Variants in POU6F2 observed in about 807,000 individuals in gnomAD.
POU6F2 encodes the protein POU class 6 homeobox 2.
POU6F2 carries 31 observed loss-of-function variants against 71.3 expected under a neutral mutation model. The ratio of observed to expected loss-of-function variants is 0.43; its 90% CI spans 0.33 to 0.59. The LOEUF (loss-of-function observed/expected upper bound fraction) is 0.59. Among genes scored for constraint, POU6F2 ranks in the 20% least tolerant of loss-of-function variants. The probability of loss-of-function intolerance (pLI) is 0.04; values close to 1 mark genes in which losing one functional copy is unlikely to be tolerated. For missense variants in POU6F2, 783 were observed against 856.8 expected (o/e 0.91, Z 1.07); for synonymous variants, 347 against 355.7 (o/e 0.98, Z 0.27).
chr7:39,268,067 G>T (rs1784281892), intron 4 of POU6F2, among the ~76,000 whole-genome samples: 1 of 152,084 alleles, frequency 6.6e-6, no homozygotes, highest in African/African-American at 2.4e-5. Flanking sequence ...TTCCAGAGAA[G>T]CATTCGCTTT....
intron 2 of POU6F2, among the ~76,000 whole-genome samples, chr7:39,103,707 T>C (rs1250570562): frequency 6.6e-6 from 1 of 152,214 alleles, no homozygotes; most frequent in Admixed American, 6.5e-5. Context: ...TTTGCTTTAG[T>C]AAGCCAGGGT....
chr7:39,361,027 G>A (rs1786378287), intron 5 of POU6F2, among the ~76,000 whole-genome samples: 1 of 152,110 alleles, frequency 6.6e-6, no homozygotes, highest in Non-Finnish European at 1.5e-5. Context: ...CAGCCCAGGA[G>A]GTCCCAACCT....
In POU6F2 at chr7:39,296,886, A is replaced by G. The variant is rs556056070; in HGVS notation, c.599-42756A>G. 5.5e-4 allele frequency among the ~76,000 whole-genome samples: 84 copies of G among 152,324 alleles called. 1 individual carries two copies. The Middle Eastern group carries it at 0.01, about 19-fold the overall frequency. ...CATGAATGAACGAATCAATGAATGA[A>G]TGAGTTTAACTGCTTCATAAAAGCT... is the stretch of plus-strand genomic sequence containing the variant. On this transcript the variant is annotated intron_variant, in intron 4 of 9. Transcript: ENST00000518318.
rs184827702 is a variant in POU6F2, at chr7:39,260,849, A to C, written c.598+53229A>C. Among the ~76,000 whole-genome samples, 1,409 of 151,902 alleles carry C rather than the reference A, an allele frequency of 9.3e-3. 22 individuals are homozygous for C. The highest frequency in any genetic ancestry group is 0.032 in the African/African-American group (1,315 of 41,396). On this transcript the variant is annotated intron_variant, in intron 4 of 9. Transcript: ENST00000518318. ...CATACCACAGACACACACAATGCAC[A>C]CATAGGTACCACACCACATACCACA...
At chr7:39,441,448 G>A (rs1788402619) in intron 7 of POU6F2, among the ~76,000 whole-genome samples, 1 of 151,666 alleles carries the variant, frequency 6.6e-6, no homozygotes, top group African/African-American at 2.4e-5. Flanking sequence ...AGGAGCAAGG[G>A]AAGAAAAAAA....
intron 6 of POU6F2, among the ~76,000 whole-genome samples, chr7:39,416,093 T>TAC (rs57579748): frequency 0.15 from 20,225 of 139,074 alleles, 1,483 homozygotes; most frequent in South Asian, 0.24. Context: ...CTCGAAGGCA[T>TAC]ACACACACAC....
chr7:39,394,931 T>C (rs1467750090), intron 5 of POU6F2, among the ~76,000 whole-genome samples: 1 of 152,152 alleles, frequency 6.6e-6, no homozygotes, highest in African/African-American at 2.4e-5. Flanking sequence ...CACACCACCA[T>C]ACCTGACACA....
intron 2 of POU6F2, among the ~76,000 whole-genome samples, chr7:39,088,619 A>G (rs1167674765): frequency 6.6e-6 from 1 of 152,190 alleles, no homozygotes; most frequent in East Asian, 1.9e-4. Flanking sequence ...TCATTCTTCT[A>G]TATATACACC....
intron 5 of POU6F2, among the ~76,000 whole-genome samples, chr7:39,354,826 C>A (rs1247574181): frequency 6.6e-6 from 1 of 152,178 alleles, no homozygotes; most frequent in Admixed American, 6.5e-5. Context: ...GAGAGTTCAG[C>A]CTTTCCTGAA....
chr7:39,054,708 G>C (rs1790471578), intron 1 of POU6F2, among the ~76,000 whole-genome samples: 2 of 151,548 alleles, frequency 1.3e-5, no homozygotes, highest in Non-Finnish European at 2.9e-5. Context: ...TGCAGCTGCA[G>C]TGGGGGTGGG....
chr7:39,266,745 T>G (rs1337730502), intron 4 of POU6F2, among the ~76,000 whole-genome samples: 1 of 118,412 alleles, frequency 8.4e-6, no homozygotes, highest in Admixed American at 9.6e-5. Flanking sequence ...CATATATTTA[T>G]GGGGTACAAT....
At chr7:39,095,704 G>A (rs776318676) in intron 2 of POU6F2, among the ~76,000 whole-genome samples, 2 of 152,120 alleles carry the variant, frequency 1.3e-5, no homozygotes, top group Non-Finnish European at 2.9e-5. Context: ...TGATTTAGCC[G>A]CTAAGAAATC....
chr7:39,035,125 G>GT lies in POU6F2; in HGVS notation c.106-50727dup, dbSNP rs895153457. 1.8e-3 allele frequency among the ~76,000 whole-genome samples: 279 copies of GT among 151,144 alleles called. 2 individuals carry two copies. The highest frequency in any genetic ancestry group is 2.1e-3 in the Non-Finnish European group (144 of 67,764). ...TTTTTAAATAATTATATTTTTTAAA[G>GT]TTTTTTTTAAAGTTTGCTCTGGTTG... is the stretch of plus-strand genomic sequence containing the variant. On this transcript the variant is annotated intron_variant, in intron 1 of 9. Transcript: ENST00000518318.
intron 2 of POU6F2, among the ~76,000 whole-genome samples, chr7:39,155,844 T>C (rs1792857690): frequency 6.6e-6 from 1 of 152,198 alleles, no homozygotes; most frequent in Non-Finnish European, 1.5e-5. Flanking sequence ...TATATTTTTA[T>C]ATAAAATGTG....
At chr7:39,117,566 G>A (rs1354188674) in intron 2 of POU6F2, among the ~76,000 whole-genome samples, 1 of 152,160 alleles carries the variant, frequency 6.6e-6, no homozygotes, top group Non-Finnish European at 1.5e-5. Context: ...GAAGGAAAAT[G>A]GATGAGTAAT....
intron 4 of POU6F2, among the ~76,000 whole-genome samples, chr7:39,258,473 T>G (rs1003475317): frequency 6.6e-6 from 1 of 152,240 alleles, no homozygotes; most frequent in African/African-American, 2.4e-5. Flanking sequence ...GTTTCACATT[T>G]AAGAATCTTA....
intron 4 of POU6F2, among the ~76,000 whole-genome samples, chr7:39,268,897 C>T (rs1239250290): frequency 1.3e-5 from 2 of 152,098 alleles, no homozygotes; most frequent in South Asian, 2.1e-4. Context: ...CAAGTGTTGC[C>T]GGGGGTATTT....
chr7:39,315,472 A>G (rs556254546), intron 4 of POU6F2, among the ~76,000 whole-genome samples: 12 of 152,158 alleles, frequency 7.9e-5, no homozygotes, highest in Non-Finnish European at 1.8e-4. Flanking sequence ...GCATTAGTTT[A>G]GTTTGTGTTT....
At chr7:39,166,723 G>A (rs1413678727) in intron 2 of POU6F2, among the ~76,000 whole-genome samples, 3 of 152,106 alleles carry the variant, frequency 2.0e-5, no homozygotes, top group Non-Finnish European at 4.4e-5. Context: ...TTACCTTAAT[G>A]GATCCTGTCC....
Sources: gnomAD v4.1 joint callset for allele counts (sites outside exome capture counted in the v4.1 genomes callset) on GRCh38, gnomAD v4.1.1 for gene constraint, MANE v1.5 for transcripts, NCBI Gene and HGNC (gene_info 2026-07-23, HGNC 2026-07-21) for gene names.